Variants in E2F4 observed in about 807,000 individuals in gnomAD.
The protein encoded by E2F4 is transcription factor E2F4.
In E2F4, 16 loss-of-function variants were observed where a neutral mutation model predicts 44.5. The observed-to-expected ratio is 0.36, with a 90% CI of 0.24 to 0.55. The LOEUF (loss-of-function observed/expected upper bound fraction) is 0.55, where lower values mean the gene tolerates loss of function less well. E2F4 is among the 20% of genes least tolerant of loss of function. The pLI is 0.87. For synonymous variants in E2F4, 242 were observed against 207.2 expected, an observed-to-expected ratio of 1.17 and a Z score of -1.44; for missense variants, 473 against 522.1, an observed-to-expected ratio of 0.91 and a Z score of 0.92.
intron 7 of E2F4, 43 bp from the exon 8 acceptor site, chr16:67,197,556 G>A (rs776911851): frequency 6.2e-7 from 1 of 1,611,092 alleles, no homozygotes; most frequent in Non-Finnish European, 8.5e-7. Context: ...AGTGGGGCCA[G>A]GCTGGACCTC....
At chr16:67,193,244 C>T (rs2032916781) in intron 3 of E2F4, 74 bp downstream of exon 3, 1 of 1,529,336 alleles carries the variant, frequency 6.5e-7, no homozygotes, top group Admixed American at 2.0e-5. Context: ...GAGTCCTGTT[C>T]CTCTTGGGAG....
intron 6 of E2F4, 37 bp downstream of exon 6, chr16:67,195,017 A>G (rs1488822930): frequency 1.9e-6 from 3 of 1,593,734 alleles, no homozygotes; most frequent in African/African-American, 2.7e-5. Context: ...GAGGCCCAAG[A>G]GGTAGTATCT....
chr16:67,194,192 T>C, intron 4 of E2F4: 1 of 574,304 alleles, frequency 1.7e-6, no homozygotes, highest in Non-Finnish European at 3.1e-6. Context: ...CTCCACATAA[T>C]TGAACCCAGA....
intron 7 of E2F4, 23 bp downstream of exon 7, chr16:67,196,029 CAGAG>C (rs550471473): frequency 1.2e-5 from 19 of 1,612,236 alleles, no homozygotes; most frequent in African/African-American, 1.3e-5. Flanking sequence ...CCCCTGGGGG[CAGAG>C]AGAGAGAGTC....
At position 67,198,432 on chromosome 16, in the gene E2F4, A is replaced by C. The variant is rs1597277866; in HGVS notation, c.*309A>C. ...GGCACAGAACCGAGGAGCTGCCATT[A>C]CCCCCCATAGGGGGCAGTGTCTTGT... On this transcript the variant is annotated 3_prime_UTR_variant, in exon 10 of 10. Transcript: ENST00000379378. The C allele has an allele frequency of 1.7e-5, 6 of 353,818 alleles. No individual in the cohort carries two copies. The highest frequency in any genetic ancestry group is 3.2e-5 in the South Asian group (1 of 31,202). 21.9% of individuals were successfully genotyped at this position (353,818 alleles called of 1,614,324 possible). A position where few individuals can be genotyped will look rare whatever the true frequency, so the allele number is the denominator to read the frequency against.
At chr16:67,194,259 C>T (rs909023231) in intron 4 of E2F4, 139 bp from the exon 5 acceptor site, 3 of 844,642 alleles carry the variant, frequency 3.6e-6, no homozygotes, top group Admixed American at 2.8e-5. Flanking sequence ...CTCTGCCTGG[C>T]CACTATGGGG....
At chr16:67,193,331 T>C in intron 3 of E2F4, 141 bp from the exon 4 acceptor site, 1 of 1,488,884 alleles carries the variant, frequency 6.7e-7, no homozygotes, top group Non-Finnish European at 9.3e-7. Context: ...TCTTAGCCTG[T>C]GATCCCTCCC....
intron 4 of E2F4, 138 bp downstream of exon 4, chr16:67,193,653 A>T (rs2032923647): frequency 1.1e-6 from 1 of 940,426 alleles, no homozygotes; most frequent in Non-Finnish European, 1.7e-6. Flanking sequence ...AGGCAGGGTA[A>T]GTCTTCTGTC....
rs2032995372 is a variant in E2F4 at position 67,197,767 on chromosome 16, G to C, written c.1082-100G>C. On this transcript the variant is annotated intron_variant, in intron 8 of 9. Transcript: ENST00000379378. The stretch of plus-strand genomic sequence containing the variant: ...GCGCTTATGGTAACTGGGGCAAAGG[G>C]TGAAGTTCCTGATGGGCAGGTGGGG... 25 of 1,603,670 alleles carry C rather than the reference G, an allele frequency of 1.6e-5. No homozygotes were observed. The South Asian group carries it at 2.5e-4, about 16-fold the overall frequency.
chr16:67,192,961 G>A lies in E2F4; in HGVS notation c.246-48G>A. 3 of 1,560,022 alleles carry A rather than the reference G, an allele frequency of 1.9e-6. No homozygotes were observed. The South Asian group carries it at 3.5e-5, about 18-fold the overall frequency. ...GTGCCGAAGAAGGCAGGGGCCATGGGACCCAGAGTTCTCAGCAGTCCCTCT... is the reference window on the plus strand; with the variant it reads ...GTGCCGAAGAAGGCAGGGGCCATGGAACCCAGAGTTCTCAGCAGTCCCTCT... On this transcript the variant is annotated intron_variant, in intron 2 of 9. Coordinates refer to ENST00000379378, the MANE Select transcript of E2F4 (RefSeq NM_001950.4).
intron 7 of E2F4, among the ~76,000 whole-genome samples, chr16:67,196,348 T>C (rs1236737662): frequency 6.6e-6 from 1 of 152,172 alleles, no homozygotes; most frequent in Non-Finnish European, 1.5e-5. Context: ...CTAGTCACCT[T>C]TCAGGTTGCA....
chr16:67,192,619 A>T, intron 1 of E2F4, 142 bp from the exon 2 acceptor site: 1 of 943,976 alleles, frequency 1.1e-6, no homozygotes, highest in South Asian at 1.6e-5. Flanking sequence ...CCTATGGGAC[A>T]GAGCTGCGGT....
intron 3 of E2F4, 22 bp from the exon 4 acceptor site, chr16:67,193,450 C>G (rs754889490): frequency 1.1e-5 from 17 of 1,613,994 alleles, no homozygotes; most frequent in Non-Finnish European, 1.4e-5. Context: ...AGGGCATCAG[C>G]CATTCTCCTT....
At chr16:67,193,239 C>G (rs1488183556) in intron 3 of E2F4, 69 bp downstream of exon 3, 7 of 1,531,782 alleles carry the variant, frequency 4.6e-6, no homozygotes, top group Non-Finnish European at 6.2e-6. Flanking sequence ...GCCCTGAGTC[C>G]TGTTCCTCTT....
Position 67,192,205 on chromosome 16 carries a change from A to AGG in E2F4, c.-20_-19dup. The AGG allele has an allele frequency of 9.0e-7, 1 of 1,105,716 alleles. No homozygotes were observed. The highest frequency in any genetic ancestry group is 1.1e-6 in the Non-Finnish European group (1 of 907,718). 68.5% of individuals were successfully genotyped at this position (1,105,716 alleles called of 1,614,324 possible). ...GCGCCGGCCTGGCCTGGCCTGGCTG[A>AGG]GGGGAGGCGGCGGGCGGGCGCGATG... On this transcript the variant is annotated 5_prime_UTR_variant, in exon 1 of 10. Transcript: ENST00000379378.
chr16:67,194,317 C>T (rs2032932942), intron 4 of E2F4, 81 bp from the exon 5 acceptor site: 2 of 1,501,088 alleles, frequency 1.3e-6, no homozygotes, highest in South Asian at 1.2e-5. Flanking sequence ...TGATCTCCTG[C>T]CTTGCTCCAA....
rs1420531376 is a variant in E2F4, at chr16:67,194,819, T to C, written c.647T>C (p.Leu216Pro). Residue 216 changes from leucine (L) to proline (P), a missense_variant, in exon 6 of 10, where the codon CTC becomes CCC. This residue lies in a region of E2F4 where 314 missense variants were observed against 315.6 expected (regional missense o/e 0.99). Coordinates refer to ENST00000379378, the MANE Select transcript of E2F4 (RefSeq NM_001950.4). ...CCTGTGCCACCACCTGAAGATTTGC[T>C]CCAGAGCCCATCTGCTGTTTCTACA... ...AVPVPPPEDL[L>P]QSPSAVSTPP... 1 of 1,614,170 alleles carries C rather than the reference T, an allele frequency of 6.2e-7. No individual in the cohort carries two copies. Among genetic ancestry groups the C allele is most frequent in the Non-Finnish European group, 8.5e-7 (1 of 1,180,022 alleles).
Position 67,198,302 on chromosome 16 carries a change from T to C in E2F4, c.*179T>C. The C allele has an allele frequency of 1.6e-6, 1 of 611,096 alleles. No individual in the cohort carries two copies. The highest frequency in any genetic ancestry group is 1.9e-5 in the South Asian group (1 of 53,088). The allele number at this position is 611,096 out of a possible 1,614,324, so 37.9% of individuals were successfully genotyped here. ...CGCTCCTGTGCTGGCACTTCTGTGCTCGCAGAGCAGGGGAACAGGACTCAG... is the reference window on the plus strand; with the variant it reads ...CGCTCCTGTGCTGGCACTTCTGTGCCCGCAGAGCAGGGGAACAGGACTCAG... On this transcript the variant is annotated 3_prime_UTR_variant, in exon 10 of 10. Transcript: ENST00000379378.
At chr16:67,195,264 A>G (rs2032949192) in intron 6 of E2F4, among the ~76,000 whole-genome samples, 1 of 152,134 alleles carries the variant, frequency 6.6e-6, no homozygotes, top group African/African-American at 2.4e-5. Context: ...CCTCCTGAGT[A>G]GCTGGGATTA....
Sources: gnomAD v4.1 joint callset for allele counts (sites outside exome capture counted in the v4.1 genomes callset) on GRCh38, gnomAD v4.1.1 for gene constraint, gnomAD v4.1.1 regional missense constraint, MANE v1.5 for transcripts, NCBI Gene and HGNC (gene_info 2026-07-23, HGNC 2026-07-21) for gene names.